Variants in ERBB4 observed in about 807,000 individuals in gnomAD.
The protein encoded by ERBB4 is erb-b2 receptor tyrosine kinase 4.
Under a neutral mutation model 158.0 loss-of-function variants are expected in ERBB4, and 42 were observed. The observed-to-expected ratio is 0.27, with a 90% CI of 0.21 to 0.34. The LOEUF (loss-of-function observed/expected upper bound fraction) is 0.34, where lower values mean the gene tolerates loss of function less well. Among genes scored for constraint, ERBB4 ranks in the 10% least tolerant of loss-of-function variants. The pLI is 1.00. For synonymous variants in ERBB4, 583 were observed against 558.7 expected (o/e 1.04, Z -0.61); for missense variants, 1,333 against 1,624.1 (o/e 0.82, Z 3.08).
Position 212,220,349 on chromosome 2 carries a change from A to G in ERBB4, c.83-95446T>C, listed in dbSNP as rs571679314. 5.3e-5 allele frequency among the ~76,000 whole-genome samples: 8 copies of G among 151,566 alleles called. No individual in the cohort carries two copies. In the East Asian group the frequency reaches 1.6e-3, roughly 29 times the overall value. On this transcript the variant is annotated intron_variant, in intron 1 of 27. Coordinates refer to ENST00000342788, the MANE Select transcript of ERBB4 (RefSeq NM_005235.3). ...ATTTTAAATCTAAACACATAAGTAC[A>G]CTATCAAGTGGACACAAATAAGCAT...
intron 20 of ERBB4, among the ~76,000 whole-genome samples, chr2:211,448,921 C>T (rs577227465): frequency 6.6e-6 from 1 of 152,118 alleles, no homozygotes; most frequent in Admixed American, 6.5e-5. Context: ...TTTGGGTAAA[C>T]TATGATATTG....
chr2:211,476,823 T>C (rs2064966127), intron 20 of ERBB4, among the ~76,000 whole-genome samples: 1 of 152,132 alleles, frequency 6.6e-6, no homozygotes, highest in African/African-American at 2.4e-5. Flanking sequence ...CACAGGAATA[T>C]GTCAAACTAC....
intron 3 of ERBB4, among the ~76,000 whole-genome samples, chr2:211,849,559 T>C (rs1360667451): frequency 6.6e-6 from 1 of 151,996 alleles, no homozygotes; most frequent in African/African-American, 2.4e-5. Flanking sequence ...GTGCTAACTC[T>C]TAGATTTCCA....
chr2:211,806,607 C>T (rs1401490208), intron 3 of ERBB4, among the ~76,000 whole-genome samples: 6 of 151,936 alleles, frequency 3.9e-5, no homozygotes, highest in Non-Finnish European at 7.4e-5. Flanking sequence ...GAAAATAATA[C>T]GGATTGGTGA....
At chr2:211,853,658 C>G (rs1033210199) in intron 3 of ERBB4, among the ~76,000 whole-genome samples, 1 of 152,044 alleles carries the variant, frequency 6.6e-6, no homozygotes, top group Non-Finnish European at 1.5e-5. Flanking sequence ...AACAAGCATT[C>G]CCAAATGATT....
At chr2:211,959,224 G>C (rs1246885954) in intron 2 of ERBB4, among the ~76,000 whole-genome samples, 1 of 151,994 alleles carries the variant, frequency 6.6e-6, no homozygotes, top group Non-Finnish European at 1.5e-5. Context: ...AGTTGCTGGA[G>C]ACACAGTGGT....
intron 1 of ERBB4, among the ~76,000 whole-genome samples, chr2:212,424,760 T>C (rs866836419): frequency 2.0e-5 from 3 of 152,038 alleles, no homozygotes; most frequent in South Asian, 2.1e-4. Flanking sequence ...AAGGGGAATG[T>C]TGTGAAAGAG....
At chr2:211,624,297 C>A (rs1391901973) in intron 17 of ERBB4, among the ~76,000 whole-genome samples, 1 of 152,020 alleles carries the variant, frequency 6.6e-6, no homozygotes, top group Non-Finnish European at 1.5e-5. Context: ...AAATGTGCAC[C>A]TACCTTGAGG....
chr2:212,319,835 C>T (rs1183466630), intron 1 of ERBB4, among the ~76,000 whole-genome samples: 1 of 150,168 alleles, frequency 6.7e-6, no homozygotes, highest in African/African-American at 2.4e-5. Context: ...CATCATTTAA[C>T]ACATATTTGT....
At chr2:212,527,908 G>A (rs1245809541) in intron 1 of ERBB4, among the ~76,000 whole-genome samples, 2 of 128,992 alleles carry the variant, frequency 1.6e-5, no homozygotes, top group African/African-American at 6.1e-5. Context: ...CTGTGTCCCT[G>A]TGTTCTCATT....
chr2:211,495,902 C>G (rs187638800), intron 20 of ERBB4, among the ~76,000 whole-genome samples: 1 of 151,744 alleles, frequency 6.6e-6, no homozygotes, highest in African/African-American at 2.4e-5. Flanking sequence ...TAAAGAGAAA[C>G]CTATATAACA....
intron 3 of ERBB4, among the ~76,000 whole-genome samples, chr2:211,856,516 G>A (rs980414858): frequency 2.3e-4 from 35 of 151,842 alleles, no homozygotes; most frequent in African/African-American, 8.2e-4. Flanking sequence ...CTCCCGAGTA[G>A]CTGGGACTAC....
At chr2:212,356,054 G>T (rs183568115) in intron 1 of ERBB4, among the ~76,000 whole-genome samples, 2 of 152,054 alleles carry the variant, frequency 1.3e-5, no homozygotes, top group Admixed American at 6.6e-5. Flanking sequence ...CTCCCAGAGG[G>T]TATAAAACAG....
intron 1 of ERBB4, among the ~76,000 whole-genome samples, chr2:212,210,284 T>C (rs967548170): frequency 2.6e-5 from 4 of 151,074 alleles, no homozygotes; most frequent in African/African-American, 9.7e-5. Flanking sequence ...TATGATCTGA[T>C]ATTATGTTAA....
intron 3 of ERBB4, among the ~76,000 whole-genome samples, chr2:211,938,979 G>A (rs1259079501): frequency 6.6e-6 from 1 of 152,188 alleles, no homozygotes; most frequent in Non-Finnish European, 1.5e-5. Flanking sequence ...CTGAATGACA[G>A]TGGCTATAGG....
At chr2:211,542,254 G>A (rs181172310) in intron 20 of ERBB4, among the ~76,000 whole-genome samples, 10 of 152,088 alleles carry the variant, frequency 6.6e-5, no homozygotes, top group East Asian at 1.9e-4. Context: ...GTGCCAGACT[G>A]CTTGAGCATC....
intron 20 of ERBB4, among the ~76,000 whole-genome samples, chr2:211,447,971 TTATTA>T (rs1240062458): frequency 6.6e-6 from 1 of 151,558 alleles, no homozygotes; most frequent in Non-Finnish European, 1.5e-5. Context: ...TCTAGACTTA[TTATTA>T]TATTATTATT....
At position 211,864,001 on chromosome 2, in the gene ERBB4, G is replaced by A. The variant is rs148224687; in HGVS notation, c.422-75842C>T. Among the ~76,000 whole-genome samples the A allele has an allele frequency of 7.9e-5, 12 of 152,258 alleles. No individual in the cohort carries two copies. In the East Asian group the frequency reaches 2.3e-3, roughly 29 times the overall value. ...AGCCTCTGTTAGAAGCATTGAGAGA[G>A]AAGCCAGAAGGTCCAGTCCTGCTGG... On this transcript the variant is annotated intron_variant, in intron 3 of 27. Coordinates refer to ENST00000342788, the MANE Select transcript of ERBB4 (RefSeq NM_005235.3).
At chr2:212,029,948 T>C (rs2076862686) in intron 2 of ERBB4, among the ~76,000 whole-genome samples, 1 of 152,124 alleles carries the variant, frequency 6.6e-6, no homozygotes, top group Non-Finnish European at 1.5e-5. Context: ...TTCTGCCACA[T>C]AAGGTTTTGC....
Sources: gnomAD v4.1 joint callset for allele counts (sites outside exome capture counted in the v4.1 genomes callset) on GRCh38, gnomAD v4.1.1 for gene constraint, MANE v1.5 for transcripts, NCBI Gene and HGNC (gene_info 2026-07-23, HGNC 2026-07-21) for gene names.